PTPRK: variants seen among roughly 807,000 people sequenced by gnomAD.
PTPRK encodes the protein protein tyrosine phosphatase receptor type K, also known as receptor-type tyrosine-protein phosphatase kappa.
Under a neutral mutation model 178.0 loss-of-function variants are expected in PTPRK, and 75 were observed. The observed-to-expected ratio is 0.42, with a 90% confidence interval of 0.35 to 0.51. PTPRK has a LOEUF of 0.51. Ranked by LOEUF, PTPRK falls within the 20% of genes least tolerant of loss-of-function variation. The pLI is 0.02. For synonymous variants in PTPRK, 637 were observed against 620.6 expected (o/e 1.03, Z -0.39); for missense variants, 1,441 against 1,797.8 (o/e 0.80, Z 3.59).
intron 3 of PTPRK, among the ~76,000 whole-genome samples, chr6:128,261,028 AG>A (rs1251478696): frequency 6.6e-6 from 1 of 152,096 alleles, no homozygotes; most frequent in Non-Finnish European, 1.5e-5. Flanking sequence ...ATATAGCAAT[AG>A]TTTCTGTTTT....
At chr6:128,310,368 C>A (rs886672038) in intron 3 of PTPRK, among the ~76,000 whole-genome samples, 1 of 152,180 alleles carries the variant, frequency 6.6e-6, no homozygotes, top group Non-Finnish European at 1.5e-5. Context: ...CACTGAATTT[C>A]AGTTAGCATA....
chr6:128,464,666 T>TAC (rs1201236230), intron 1 of PTPRK, among the ~76,000 whole-genome samples: 2 of 127,892 alleles, frequency 1.6e-5, no homozygotes, highest in Non-Finnish European at 3.3e-5. Context: ...TATATATATA[T>TAC]ATATATATAC....
At chr6:128,354,231 G>GGTTTTTTTTTTTTT (rs1562341681) in intron 2 of PTPRK, among the ~76,000 whole-genome samples, 2 of 49,358 alleles carry the variant, frequency 4.1e-5, no homozygotes, top group African/African-American at 1.9e-4. Flanking sequence ...TTTTGTTTAT[G>GGTTTTTTTTTTTTT]TTTTTTTTTT....
At chr6:128,325,018 C>T (rs1000010379) in intron 2 of PTPRK, among the ~76,000 whole-genome samples, 5 of 151,984 alleles carry the variant, frequency 3.3e-5, no homozygotes, top group Non-Finnish European at 5.9e-5. Flanking sequence ...TACCAGCTAA[C>T]TAATTCCTCA....
At chr6:128,406,244 C>T (rs1841641129) in intron 1 of PTPRK, among the ~76,000 whole-genome samples, 1 of 151,710 alleles carries the variant, frequency 6.6e-6, no homozygotes, top group African/African-American at 2.4e-5. Flanking sequence ...CAGAGTGAGA[C>T]CCCATCTCAA....
At chr6:128,169,781 T>TA (rs200616943) in intron 7 of PTPRK, among the ~76,000 whole-genome samples, 1 of 100,384 alleles carries the variant, frequency 1.0e-5, no homozygotes, top group African/African-American at 3.8e-5. Flanking sequence ...GTTATTTTTT[T>TA]AATGTGTGTG....
intron 1 of PTPRK, among the ~76,000 whole-genome samples, chr6:128,432,601 A>G (rs1844977507): frequency 2.0e-5 from 3 of 152,204 alleles, no homozygotes; most frequent in African/African-American, 2.4e-5. Flanking sequence ...AGATAAAACT[A>G]TTTTAAGTGA....
At chr6:128,235,728 A>T (rs918190168) in intron 5 of PTPRK, 7 of 357,014 alleles carry the variant, frequency 2.0e-5, no homozygotes, top group Middle Eastern at 7.2e-4. Flanking sequence ...TGTTTCTGAC[A>T]TCCCAACCAT....
intron 1 of PTPRK, among the ~76,000 whole-genome samples, chr6:128,408,189 A>T (rs879531510): frequency 2.0e-5 from 3 of 152,176 alleles, no homozygotes; most frequent in Admixed American, 2.0e-4. Flanking sequence ...GGAGTTCGAG[A>T]CCAGCCTGGC....
At chr6:128,238,204 AAAAG>A (rs751241829) in intron 5 of PTPRK, 16,245 of 395,732 alleles carry the variant, frequency 0.041, 1,216 homozygotes, top group East Asian at 0.24. Flanking sequence ...AAAAAAAAAG[AAAAG>A]AAAAAAAAAA....
chr6:127,968,846 A>G lies in PTPRK; in HGVS notation c.*1381T>C, dbSNP rs1156977926. 6.6e-6 allele frequency: 1 copy of G among 152,242 alleles called. No individual in the cohort carries two copies. Among genetic ancestry groups the G allele is most frequent in the Non-Finnish European group, 1.5e-5 (1 of 68,044 alleles). The allele number at this position is 152,242 out of a possible 1,614,324, so 9.4% of individuals were successfully genotyped here. On this transcript the variant is annotated 3_prime_UTR_variant, in exon 30 of 30. Coordinates refer to ENST00000368226, the MANE Select transcript of PTPRK (RefSeq NM_002844.4). Reference sequence around the variant, plus strand: ...ATTAAATCTTTATAAGCACCATGTCATGAGCTGGCAATCTAGAAAGAGGAC... The same window carrying G: ...ATTAAATCTTTATAAGCACCATGTCGTGAGCTGGCAATCTAGAAAGAGGAC...
At chr6:128,289,500 T>C (rs1823029893) in intron 3 of PTPRK, among the ~76,000 whole-genome samples, 1 of 152,196 alleles carries the variant, frequency 6.6e-6, no homozygotes, top group Non-Finnish European at 1.5e-5. Context: ...ACAATGTATT[T>C]GATTCTCTAT....
intron 3 of PTPRK, among the ~76,000 whole-genome samples, chr6:128,313,786 T>C (rs1304570046): frequency 1.3e-5 from 2 of 152,002 alleles, no homozygotes; most frequent in Non-Finnish European, 2.9e-5. Context: ...AAATAGGAAA[T>C]TACCGTTATC....
intron 5 of PTPRK, among the ~76,000 whole-genome samples, chr6:128,227,364 C>G (rs922095260): frequency 6.6e-6 from 1 of 152,088 alleles, no homozygotes; most frequent in Non-Finnish European, 1.5e-5. Context: ...ATGGCAGTAG[C>G]GTAGTTTTTT....
intron 1 of PTPRK, among the ~76,000 whole-genome samples, chr6:128,410,283 A>G (rs1842151580): frequency 6.6e-6 from 1 of 152,184 alleles, no homozygotes; most frequent in South Asian, 2.1e-4. Flanking sequence ...AGAAGGAAAT[A>G]TGTGCACCCT....
At chr6:128,331,128 A>C (rs1830217168) in intron 2 of PTPRK, among the ~76,000 whole-genome samples, 1 of 152,004 alleles carries the variant, frequency 6.6e-6, no homozygotes, top group South Asian at 2.1e-4. Flanking sequence ...TAATTGAAAA[A>C]CTCCATGAAA....
intron 13 of PTPRK, 88 bp downstream of exon 13, chr6:128,064,670 A>G (rs1162834174): frequency 9.4e-6 from 14 of 1,486,946 alleles, no homozygotes; most frequent in Non-Finnish European, 1.2e-5. Flanking sequence ...GAAATGTCAT[A>G]TTTAGCCCTG....
At chr6:128,303,785 C>G (rs190976225) in intron 3 of PTPRK, among the ~76,000 whole-genome samples, 97 of 152,066 alleles carry the variant, frequency 6.4e-4, no homozygotes, top group African/African-American at 2.2e-3. Flanking sequence ...AATTTTTTTT[C>G]TTTAAAACAA....
intron 13 of PTPRK, among the ~76,000 whole-genome samples, chr6:128,018,399 A>G (rs1779852190): frequency 6.6e-6 from 1 of 152,114 alleles, no homozygotes; most frequent in African/African-American, 2.4e-5. Flanking sequence ...AACATTCTTT[A>G]AGAGAAAAAT....
Sources: gnomAD v4.1 joint callset for allele counts (sites outside exome capture counted in the v4.1 genomes callset) on GRCh38, gnomAD v4.1.1 for gene constraint, MANE v1.5 for transcripts, NCBI Gene and HGNC (gene_info 2026-07-23, HGNC 2026-07-21) for gene names.